The following CERS4 variants were observed in gnomAD, a reference collection of about 807,000 sequenced individuals.
The protein encoded by CERS4 is ceramide synthase 4.
CERS4 carries 65 observed loss-of-function variants against 51.8 expected under a neutral mutation model. The ratio of observed to expected loss-of-function variants is 1.26; its 90% CI spans 1.03 to 1.54. The LOEUF is 1.54. Ranked by LOEUF, CERS4 falls within the 40% of genes most tolerant of loss-of-function variation. The pLI, the probability that CERS4 is intolerant of heterozygous loss-of-function variation, is 0.00. For missense variants in CERS4, 563 were observed against 500.4 expected (o/e 1.13, Z -1.19); for synonymous variants, 228 against 208.4 (o/e 1.09, Z -0.81).
intron 2 of CERS4, among the ~76,000 whole-genome samples, chr19:8,249,475 T>C (rs1040869934): frequency 2.0e-5 from 3 of 151,862 alleles, no homozygotes; most frequent in Non-Finnish European, 4.4e-5. Flanking sequence ...AGTTATGCAG[T>C]AGGCTCTCTT....
intron 3 of CERS4, among the ~76,000 whole-genome samples, 175 bp from the exon 4 acceptor site, chr19:8,254,324 A>G (rs1969253587): frequency 7.0e-6 from 1 of 142,530 alleles, no homozygotes; most frequent in African/African-American, 2.7e-5. Context: ...CTCTGTCTCA[A>G]AAAAAAAAAA....
In CERS4 at chr19:8,215,488, A is replaced by G. The variant is rs1215151793; in HGVS notation, c.-2+4626A>G. On this transcript the variant is annotated intron_variant, in intron 2 of 11. Transcript: ENST00000251363. ...AGCAAGACTCTGTCTCAAAAAAAAA[A>G]AAACAAAAAACAAGCAGCGGGTGTG... Among the ~76,000 whole-genome samples, 5 of 149,134 alleles carry G rather than the reference A, an allele frequency of 3.4e-5. No individual in the cohort carries two copies. In the East Asian group the frequency reaches 5.8e-4, roughly 17 times the overall value.
Position 8,251,092 on chromosome 19 carries a change from A to G in CERS4, c.16A>G (p.Asn6Asp). Residue 6 changes from asparagine (N) to aspartate (D), a missense_variant, in exon 3 of 12, where the codon AAC becomes GAC. Coordinates refer to ENST00000251363, the MANE Select transcript of CERS4 (RefSeq NM_024552.3). The stretch of plus-strand genomic sequence containing the variant: ...TGTCCACAGAATGCTGTCCAGTTTC[A>G]ACGAGTGGTTTTGGCAGGACAGGTT... Reference protein sequence around the residue: MLSSFNEWFWQDRFWL... With the variant: MLSSFDEWFWQDRFWL... 1.2e-6 allele frequency: 2 copies of G among 1,604,302 alleles called. No individual in the cohort carries two copies. The highest frequency in any genetic ancestry group is 1.3e-5 in the African/African-American group (1 of 74,624).
chr19:8,210,962 C>A lies in CERS4; in HGVS notation c.-2+100C>A, dbSNP rs989143995. 6.6e-6 allele frequency: 1 copy of A among 151,858 alleles called. No individual in the cohort carries two copies. The highest frequency in any genetic ancestry group is 1.5e-5 in the Non-Finnish European group (1 of 68,016). The allele number at this position is 151,858 out of a possible 1,614,324, so 9.4% of individuals were successfully genotyped here. A position where few individuals can be genotyped will look rare whatever the true frequency, so the allele number is the denominator to read the frequency against. On this transcript the variant is annotated intron_variant, in intron 2 of 11. Transcript: ENST00000251363. The surrounding 1 kb of genome is among the most constrained non-coding windows in gnomAD (Gnocchi z 4.2). ...GGTTTCTGAGCTTCAGTTTACCCAT[C>A]TGTAAAATGGGTCAGTAGTATCTGA... is the stretch of plus-strand genomic sequence containing the variant.
chr19:8,218,061 T>C (rs1415256737), intron 2 of CERS4, among the ~76,000 whole-genome samples: 1 of 151,878 alleles, frequency 6.6e-6, no homozygotes, highest in East Asian at 1.9e-4. Flanking sequence ...GCCTCCCGGG[T>C]TCAAGCGATT....
intron 2 of CERS4, among the ~76,000 whole-genome samples, chr19:8,231,851 ATTTTTTT>A (rs3042169): frequency 9.6e-6 from 1 of 104,424 alleles, no homozygotes; most frequent in African/African-American, 4.2e-5. Flanking sequence ...TGTGCCCAGC[ATTTTTTT>A]TTTTTTTTTT....
At position 8,210,565 on chromosome 19, in the gene CERS4, G is replaced by T. The variant is rs151102182; in HGVS notation, c.-158-141G>T. The stretch of plus-strand genomic sequence containing the variant: ...CGACTCCAGTCTGAGCTCAGGCAAG[G>T]TCTCAGGCATCTGAGCGCAGAGGCC... On this transcript the variant is annotated intron_variant, in intron 1 of 11. Transcript: ENST00000251363. The surrounding 1 kb of genome is among the most constrained non-coding windows in gnomAD (Gnocchi z 4.2). 813 of 152,428 alleles carry T rather than the reference G, an allele frequency of 5.3e-3. 3 individuals are homozygous for T. Among genetic ancestry groups the T allele is most frequent in the Non-Finnish European group, 8.1e-3 (554 of 68,120 alleles). 9.4% of individuals were successfully genotyped at this position (152,428 alleles called of 1,614,324 possible).
intron 2 of CERS4, among the ~76,000 whole-genome samples, chr19:8,228,826 C>T (rs1328517112): frequency 2.0e-5 from 3 of 151,684 alleles, no homozygotes; most frequent in Non-Finnish European, 4.4e-5. Flanking sequence ...GAGTTCAAGA[C>T]TAGCCTGGCC....
At chr19:8,252,563 C>G (rs1315288729) in intron 3 of CERS4, among the ~76,000 whole-genome samples, 1 of 151,918 alleles carries the variant, frequency 6.6e-6, no homozygotes, top group African/African-American at 2.4e-5. Context: ...CTCAGCCTCA[C>G]AAGTAACTGG....
At chr19:8,232,722 C>T (rs1968066417) in intron 2 of CERS4, among the ~76,000 whole-genome samples, 1 of 137,582 alleles carries the variant, frequency 7.3e-6, no homozygotes, top group Non-Finnish European at 1.6e-5. Flanking sequence ...TTTATTTAAA[C>T]CTTTTTTTTT....
At chr19:8,230,217 G>T (rs947614586) in intron 2 of CERS4, among the ~76,000 whole-genome samples, 1 of 149,312 alleles carries the variant, frequency 6.7e-6, no homozygotes, top group Non-Finnish European at 1.5e-5. Flanking sequence ...TTGAGACGGA[G>T]TCTCGCCTGA....
At chr19:8,229,076 AG>A (rs898760090) in intron 2 of CERS4, among the ~76,000 whole-genome samples, 32 of 151,904 alleles carry the variant, frequency 2.1e-4, no homozygotes, top group Admixed American at 1.6e-3. Flanking sequence ...CTGTAATCCT[AG>A]TACTTTGGGA....
At position 8,257,955 on chromosome 19, in the gene CERS4, T is replaced by TTC. The variant is rs779292736; in HGVS notation, c.818_819insTC (p.Tyr274ProfsTer37). 1 of 1,613,952 alleles carries TTC rather than the reference T, an allele frequency of 6.2e-7. No homozygotes were observed. Among genetic ancestry groups the TTC allele is most frequent in the South Asian group, 1.1e-5 (1 of 91,086 alleles). On this transcript the variant is annotated frameshift_variant, in exon 10 of 12. Coordinates refer to ENST00000251363, the MANE Select transcript of CERS4 (RefSeq NM_024552.3). LOFTEE classifies it high-confidence loss of function. ...TTCCTCATCTTCTCCTTTGTCTTCTTCTACACCCGACTGGTCCTCTTTCCC... is the reference window on the plus strand; with the variant it reads ...TTCCTCATCTTCTCCTTTGTCTTCTTTCCTACACCCGACTGGTCCTCTTTCCC...
At chr19:8,213,968 T>C (rs879355492) in intron 2 of CERS4, among the ~76,000 whole-genome samples, 8 of 152,048 alleles carry the variant, frequency 5.3e-5, no homozygotes, top group African/African-American at 1.2e-4. Context: ...AGCAAGACAC[T>C]GTCTCAAAAA....
chr19:8,260,240 A>G (rs1167241208), intron 10 of CERS4, among the ~76,000 whole-genome samples: 2 of 151,724 alleles, frequency 1.3e-5, no homozygotes, highest in Non-Finnish European at 2.9e-5. Flanking sequence ...TGTCACCTAG[A>G]CTGGAGTGCA....
At chr19:8,247,120 C>G (rs1042703683) in intron 2 of CERS4, among the ~76,000 whole-genome samples, 1 of 152,178 alleles carries the variant, frequency 6.6e-6, no homozygotes, top group East Asian at 1.9e-4. Flanking sequence ...GAGCTGAGAT[C>G]GTGCCACGGT....
At chr19:8,215,154 C>T (rs1052787383) in intron 2 of CERS4, among the ~76,000 whole-genome samples, 5 of 151,790 alleles carry the variant, frequency 3.3e-5, no homozygotes, top group East Asian at 1.9e-4. Flanking sequence ...ATGGTAGCCT[C>T]GATCAGGGGC....
chr19:8,238,337 C>G (rs1968366755), intron 2 of CERS4, among the ~76,000 whole-genome samples: 1 of 151,952 alleles, frequency 6.6e-6, no homozygotes, highest in Non-Finnish European at 1.5e-5. Flanking sequence ...ATAGGAAGAG[C>G]AGGGGAGGCC....
intron 2 of CERS4, among the ~76,000 whole-genome samples, chr19:8,233,340 T>C (rs1403992907): frequency 6.6e-6 from 1 of 151,862 alleles, no homozygotes; most frequent in Non-Finnish European, 1.5e-5. Flanking sequence ...TAATTTTTTG[T>C]ATTTTTAGTA....
Sources: allele counts gnomAD v4.1 joint callset (sites outside exome capture counted in the v4.1 genomes callset), GRCh38; gene constraint gnomAD v4.1.1; non-coding constraint Gnocchi (gnomAD v3.1); transcripts MANE v1.5; gene names NCBI Gene and HGNC (gene_info 2026-07-23, HGNC 2026-07-21).